SUGCT: variants seen among roughly 807,000 people sequenced by gnomAD.
SUGCT encodes the protein succinyl-CoA:glutarate-CoA transferase, also known as succinyl-CoA:glutarate CoA-transferase.
SUGCT carries 41 observed loss-of-function variants against 55.0 expected under a neutral mutation model. The ratio of observed to expected loss-of-function variants is 0.74; its 90% CI spans 0.58 to 0.97. The LOEUF (loss-of-function observed/expected upper bound fraction) is 0.97, where lower values mean the gene tolerates loss of function less well. Ranked by LOEUF, SUGCT falls within the 50% of genes least tolerant of loss-of-function variation. SUGCT has a pLI of 0.00. For synonymous variants in SUGCT, 187 were observed against 200.4 expected, an observed-to-expected ratio of 0.93 and a Z score of 0.56; for missense variants, 568 against 547.8, an observed-to-expected ratio of 1.04 and a Z score of -0.37.
intron 11 of SUGCT, among the ~76,000 whole-genome samples, chr7:40,479,233 T>G (rs1790886111): frequency 1.3e-5 from 2 of 152,212 alleles, no homozygotes; most frequent in Admixed American, 6.5e-5. Flanking sequence ...TCATATCTTT[T>G]GGGTATATAA....
the SUGCT span, among the ~76,000 whole-genome samples, chr7:40,915,714 C>T: frequency 1.3e-5 from 2 of 152,168 alleles, no homozygotes; most frequent in Non-Finnish European, 2.9e-5. Context: ...GACAGGCAGC[C>T]CTTCCCATTC....
intron 12 of SUGCT, among the ~76,000 whole-genome samples, chr7:40,744,253 C>G (rs1338140338): frequency 6.6e-6 from 1 of 152,132 alleles, no homozygotes; most frequent in Non-Finnish European, 1.5e-5. Flanking sequence ...AAGCCTTAGA[C>G]TACTTAAATG....
rs1584234331 is a variant in SUGCT at position 40,165,538 on chromosome 7, CA to C, written c.101-15407del. 2.6e-5 allele frequency among the ~76,000 whole-genome samples: 4 copies of C among 152,166 alleles called. No homozygotes were observed. In the South Asian group the frequency reaches 6.2e-4, roughly 24 times the overall value. On this transcript the variant is annotated intron_variant, in intron 1 of 13. Transcript: ENST00000335693. ...GAGGCCAAAAAGACAGAGAGATATA[CA>C]AGCTGCTCAATATATTTCAACAAAT...
the SUGCT span, among the ~76,000 whole-genome samples, chr7:40,890,610 T>G: frequency 6.6e-6 from 1 of 151,914 alleles, no homozygotes. Context: ...GCCTGAAGAC[T>G]CCAACAGCAA....
chr7:40,272,538 T>C (rs1391491405), intron 7 of SUGCT, among the ~76,000 whole-genome samples: 1 of 151,710 alleles, frequency 6.6e-6, no homozygotes, highest in Admixed American at 6.6e-5. Flanking sequence ...TTTCCGCTGT[T>C]GTCAATAGTG....
chr7:40,888,909 T>C, the SUGCT span, among the ~76,000 whole-genome samples: 1 of 152,254 alleles, frequency 6.6e-6, no homozygotes, highest in Non-Finnish European at 1.5e-5. Context: ...GAGCCATGGC[T>C]GCTGCTCAGC....
chr7:40,682,082 C>T (rs1188713233), intron 12 of SUGCT, among the ~76,000 whole-genome samples: 1 of 152,144 alleles, frequency 6.6e-6, no homozygotes, highest in East Asian at 1.9e-4. Context: ...TTAAGTTGCT[C>T]ATTTACTTCT....
At chr7:40,912,597 C>T in the SUGCT span, among the ~76,000 whole-genome samples, 3 of 152,236 alleles carry the variant, frequency 2.0e-5, no homozygotes, top group East Asian at 1.9e-4. Flanking sequence ...TTAACTTATC[C>T]TGTGTATTTT....
the SUGCT span, among the ~76,000 whole-genome samples, chr7:40,889,280 C>A: frequency 2.0e-5 from 3 of 152,110 alleles, no homozygotes; most frequent in Admixed American, 6.5e-5. Context: ...TTTAGCTGGA[C>A]TTGGTCTTGA....
intron 12 of SUGCT, among the ~76,000 whole-genome samples, chr7:40,522,459 T>A (rs1290685576): frequency 6.6e-6 from 1 of 152,152 alleles, no homozygotes; most frequent in Non-Finnish European, 1.5e-5. Context: ...GTTCTCTTTT[T>A]ATCCTTACAG....
At chr7:40,635,164 T>C (rs1200431905) in intron 12 of SUGCT, among the ~76,000 whole-genome samples, 2 of 152,090 alleles carry the variant, frequency 1.3e-5, no homozygotes, top group Non-Finnish European at 2.9e-5. Context: ...CCAGTGCCTG[T>C]AGTCCCAGCT....
At chr7:40,334,790 C>G (rs556991973) in intron 9 of SUGCT, among the ~76,000 whole-genome samples, 1 of 152,274 alleles carries the variant, frequency 6.6e-6, no homozygotes, top group African/African-American at 2.4e-5. Flanking sequence ...GCTTTTGTTG[C>G]CATTGCTTTT....
At position 40,655,363 on chromosome 7, in the gene SUGCT, C is replaced by T. The variant is rs894802722; in HGVS notation, c.1090-94071C>T. On this transcript the variant is annotated intron_variant, in intron 12 of 13. Transcript: ENST00000335693. ...TCTCCCTCTCGCTCTTTTCCATTCA[C>T]TAGTGTTAATGTGCTATAAATGTAC... is the stretch of plus-strand genomic sequence containing the variant. 4.6e-5 allele frequency among the ~76,000 whole-genome samples: 7 copies of T among 152,260 alleles called. No individual in the cohort carries two copies. In the South Asian group the frequency reaches 1.2e-3, roughly 27 times the overall value.
At chr7:40,684,262 T>G in intron 12 of SUGCT, 4 of 1,336,584 alleles carry the variant, frequency 3.0e-6, no homozygotes, top group Non-Finnish European at 3.9e-6. Flanking sequence ...ATCACAGGTT[T>G]CAGGGATTAG....
At chr7:40,948,111 G>A in the SUGCT span, among the ~76,000 whole-genome samples, 8 of 152,108 alleles carry the variant, frequency 5.3e-5, no homozygotes, top group Non-Finnish European at 4.4e-5. Context: ...AAAGAAACCC[G>A]TTGCATATCT....
intron 7 of SUGCT, among the ~76,000 whole-genome samples, chr7:40,272,391 T>A (rs1792125795): frequency 6.7e-6 from 1 of 149,488 alleles, no homozygotes; most frequent in Non-Finnish European, 1.5e-5. Context: ...TCACCCAGGC[T>A]GTTCTTGAAC....
chr7:40,517,313 T>C (rs7807751), intron 12 of SUGCT, among the ~76,000 whole-genome samples: 4,143 of 152,016 alleles, frequency 0.027, 189 homozygotes, highest in African/African-American at 0.096. Context: ...GACTTTCTTT[T>C]CTTGTCTTTT....
chr7:40,351,833 T>C (rs956865228), intron 9 of SUGCT, among the ~76,000 whole-genome samples: 2 of 152,218 alleles, frequency 1.3e-5, no homozygotes, highest in African/African-American at 4.8e-5. Flanking sequence ...TGGATTATTG[T>C]TGAAGAAACA....
downstream of SUGCT, among the ~76,000 whole-genome samples, chr7:40,860,925 G>A (rs1365622823): frequency 1.3e-5 from 2 of 151,252 alleles, no homozygotes; most frequent in Non-Finnish European, 2.9e-5. Context: ...GTGTTAGGGA[G>A]TCAAAGCAAT....
Sources: gnomAD v4.1 joint callset for allele counts (sites outside exome capture counted in the v4.1 genomes callset) on GRCh38, gnomAD v4.1.1 for gene constraint, MANE v1.5 for transcripts, NCBI Gene and HGNC (gene_info 2026-07-23, HGNC 2026-07-21) for gene names.